The following DRD3 variants were observed in gnomAD, a reference collection of about 807,000 sequenced individuals.
DRD3 encodes dopamine receptor D3.
A neutral mutation model predicts 36.3 loss-of-function variants in DRD3; 19 were observed. The ratio of observed to expected loss-of-function variants is 0.52; its 90% CI spans 0.36 to 0.77. The LOEUF (loss-of-function observed/expected upper bound fraction) is 0.77. DRD3 is among the 30% of genes least tolerant of loss of function. The pLI is 0.00. For missense variants in DRD3, 465 were observed against 505.3 expected (o/e 0.92, Z 0.77); for synonymous variants, 195 against 203.7 (o/e 0.96, Z 0.36).
chr3:114,156,357 A>G lies in DRD3; in HGVS notation c.383+3398T>C, dbSNP rs575035407. 3.3e-5 allele frequency among the ~76,000 whole-genome samples: 5 copies of G among 152,194 alleles called. No homozygotes were observed. The South Asian group carries it at 1.0e-3, about 32-fold the overall frequency. ...CATTAAAGCACCAAATCGTCTCGAC[A>G]TGGTGATCTCTTCTTGACAGCATCT... On this transcript the variant is annotated intron_variant, in intron 3 of 6. Transcript: ENST00000383673.
In DRD3 at chr3:114,128,147, G is replaced by A. The variant is rs570106959; in HGVS notation, c.*569C>T. On this transcript the variant is annotated 3_prime_UTR_variant, in exon 7 of 7. Coordinates refer to ENST00000383673, the MANE Select transcript of DRD3 (RefSeq NM_000796.6). ...AATGTGGGACAGTGTTTCTCTTGGT[G>A]TGAGAAATTCACCTCACCAAATGTA... Among the ~76,000 whole-genome samples the A allele has an allele frequency of 3.9e-5, 6 of 152,346 alleles. No homozygotes were observed. The South Asian group carries it at 1.0e-3, about 26-fold the overall frequency.
upstream of DRD3, among the ~76,000 whole-genome samples, chr3:114,182,153 C>T (rs1264958539): frequency 6.6e-6 from 1 of 152,152 alleles, no homozygotes; most frequent in African/African-American, 2.4e-5. Flanking sequence ...TGAAAGTTGG[C>T]AAATGCAGTG....
At chr3:114,158,656 T>A (rs1192694944) in intron 3 of DRD3, among the ~76,000 whole-genome samples, 2 of 152,138 alleles carry the variant, frequency 1.3e-5, no homozygotes, top group Non-Finnish European at 2.9e-5. Flanking sequence ...GTTTATACCA[T>A]AAAATAACAG....
intron 1 of DRD3, among the ~76,000 whole-genome samples, chr3:114,172,287 G>T (rs113572626): frequency 6.6e-6 from 1 of 152,188 alleles, no homozygotes; most frequent in South Asian, 2.1e-4. Flanking sequence ...ATAATGATAC[G>T]TATATTGGAG....
At chr3:114,188,811 A>T (rs2077989191) in intron 1 of DRD3, among the ~76,000 whole-genome samples, 1 of 152,246 alleles carries the variant, frequency 6.6e-6, no homozygotes, top group Admixed American at 6.5e-5. Flanking sequence ...AAAGGAAAAG[A>T]GGGGACACCT....
upstream of DRD3, among the ~76,000 whole-genome samples, chr3:114,183,552 G>T (rs1451553849): frequency 6.6e-6 from 1 of 151,992 alleles, no homozygotes; most frequent in East Asian, 1.9e-4. Flanking sequence ...ATGTAGAATT[G>T]TATATTTTTC....
chr3:114,164,220 CAAA>C (rs34500434), intron 2 of DRD3, among the ~76,000 whole-genome samples: 2,252 of 17,006 alleles, frequency 0.13, no homozygotes, highest in African/African-American at 0.19. Context: ...GCCTCAGTCT[CAAA>C]AAAAAAAAAA....
intron 1 of DRD3, among the ~76,000 whole-genome samples, chr3:114,184,917 A>AT (rs540377323): frequency 4.1e-4 from 62 of 152,184 alleles, no homozygotes; most frequent in African/African-American, 1.3e-3. Context: ...GTTGACAGGT[A>AT]TTTTTTTCTT....
intron 2 of DRD3, among the ~76,000 whole-genome samples, chr3:114,170,893 A>T (rs994365701): frequency 6.6e-6 from 1 of 152,212 alleles, no homozygotes; most frequent in Admixed American, 6.5e-5. Context: ...TTTTAAAAAA[A>T]CATATCTTAA....
chr3:114,138,771 AG>A (rs754930816), intron 5 of DRD3, among the ~76,000 whole-genome samples: 1 of 152,162 alleles, frequency 6.6e-6, no homozygotes, highest in Admixed American at 6.5e-5. Flanking sequence ...CATTGAGTGG[AG>A]GGGTGCTTTA....
intron 2 of DRD3, among the ~76,000 whole-genome samples, chr3:114,164,170 G>A (rs1034589348): frequency 5.2e-5 from 6 of 115,716 alleles, no homozygotes; most frequent in Non-Finnish European, 8.1e-5. Context: ...ACAGTGAGCC[G>A]AAATCTCACC....
chr3:114,139,705 G>A lies in DRD3; in HGVS notation c.527-9C>T, dbSNP rs893630310. 3 of 1,613,266 alleles carry A rather than the reference G, an allele frequency of 1.9e-6. No homozygotes were observed. The highest frequency in any genetic ancestry group is 2.5e-6 in the Non-Finnish European group (3 of 1,179,478). On this transcript the variant is annotated splice_polypyrimidine_tract_variant and intron_variant, in intron 4 of 6. Coordinates refer to ENST00000383673, the MANE Select transcript of DRD3 (RefSeq NM_000796.6). ...GCAGACAGTGGGGTCCCCTGTGGAT[G>A]AGAAGGGGGAAGGTAAAGCAGTTAG...
intron 2 of DRD3, among the ~76,000 whole-genome samples, chr3:114,161,816 A>G (rs531570050): frequency 6.6e-6 from 1 of 152,352 alleles, no homozygotes; most frequent in South Asian, 2.1e-4. Flanking sequence ...ACAGTTGCAT[A>G]CTGTAAAAGC....
intron 1 of DRD3, among the ~76,000 whole-genome samples, chr3:114,189,446 G>A (rs1018607692): frequency 2.0e-5 from 3 of 152,150 alleles, no homozygotes; most frequent in African/African-American, 7.2e-5. Context: ...TGGAAAAGAT[G>A]AAGTTGGAAT....
intron 5 of DRD3, among the ~76,000 whole-genome samples, chr3:114,134,541 T>C (rs2077459081): frequency 6.6e-6 from 1 of 152,104 alleles, no homozygotes; most frequent in African/African-American, 2.4e-5. Context: ...TGCCTCAGAC[T>C]CCTGAGTAGC....
intron 3 of DRD3, among the ~76,000 whole-genome samples, chr3:114,157,205 C>G (rs1427871577): frequency 6.6e-6 from 1 of 151,980 alleles, no homozygotes; most frequent in Non-Finnish European, 1.5e-5. Flanking sequence ...AGGCACCCAC[C>G]ACCATGTCCG....
rs1421997801 is a variant in DRD3, at chr3:114,131,275, C to G, written c.849G>C (p.Arg283=). Residue 283 remains arginine (R), a synonymous_variant, in exon 6 of 7, where the codon CGG becomes CGC. Coordinates refer to ENST00000383673, the MANE Select transcript of DRD3 (RefSeq NM_000796.6). The stretch of plus-strand genomic sequence containing the variant: ...GCGCTATGGTGGGACTCAGGGAATT[C>G]CGAGTCTTCTCCTCTCTTTTCAACT... The part of the protein sequence containing the change: ...GGELKREEKT[R]NSLSPTIAPK... 2 of 1,614,208 alleles carry G rather than the reference C, an allele frequency of 1.2e-6. No homozygotes were observed. Among genetic ancestry groups the G allele is most frequent in the Non-Finnish European group, 1.7e-6 (2 of 1,180,048 alleles).
chr3:114,176,843 T>C (rs1165806292), intron 1 of DRD3, among the ~76,000 whole-genome samples: 1 of 152,164 alleles, frequency 6.6e-6, no homozygotes, highest in African/African-American at 2.4e-5. Flanking sequence ...TTAATAATTA[T>C]AGCTAAAATT....
chr3:114,176,746 C>T (rs2107892492), intron 1 of DRD3, among the ~76,000 whole-genome samples: 1 of 152,324 alleles, frequency 6.6e-6, no homozygotes, highest in South Asian at 2.1e-4. Context: ...TACATCTAAT[C>T]TTTTACTCAG....
Sources: allele counts gnomAD v4.1 joint callset (sites outside exome capture counted in the v4.1 genomes callset), GRCh38; gene constraint gnomAD v4.1.1; transcripts MANE v1.5; gene names NCBI Gene and HGNC (gene_info 2026-07-23, HGNC 2026-07-21).